ASPRV1: variants seen among roughly 807,000 people sequenced by gnomAD.
ASPRV1 encodes the protein retroviral-like aspartic protease 1.
Under a neutral mutation model 11.0 loss-of-function variants are expected in ASPRV1, and 7 were observed. The observed-to-expected ratio is 0.64, with a 90% CI of 0.36 to 1.20. The LOEUF is 1.20. Among genes scored for constraint, ASPRV1 ranks in the 50% most tolerant of loss-of-function variants. The pLI is 0.02. For synonymous variants in ASPRV1, 136 were observed against 138.4 expected, an observed-to-expected ratio of 0.98 and a Z score of 0.12; for missense variants, 299 against 320.0, an observed-to-expected ratio of 0.93 and a Z score of 0.50.
chr2:70,021,707 T>C, the ASPRV1 span, among the ~76,000 whole-genome samples: 1 of 151,322 alleles, frequency 6.6e-6, no homozygotes, highest in Non-Finnish European at 1.5e-5. Flanking sequence ...GTTAAGAGAA[T>C]ACTTTTTTTT....
At chr2:69,981,851 G>T in the ASPRV1 span, among the ~76,000 whole-genome samples, 2 of 152,188 alleles carry the variant, frequency 1.3e-5, no homozygotes, top group African/African-American at 4.8e-5. Context: ...GAGCCACCAT[G>T]CTCGGCTATT....
chr2:70,004,258 G>A, the ASPRV1 span, among the ~76,000 whole-genome samples: 2 of 152,092 alleles, frequency 1.3e-5, no homozygotes, highest in Non-Finnish European at 2.9e-5. Flanking sequence ...TAAGCCAGGC[G>A]CGGTGGCTCA....
chr2:70,040,652 G>A, the ASPRV1 span, among the ~76,000 whole-genome samples: 1 of 152,132 alleles, frequency 6.6e-6, no homozygotes, highest in Non-Finnish European at 1.5e-5. Flanking sequence ...TGGCCAAGAT[G>A]GTGAAACTTC....
chr2:69,981,057 T>C, the ASPRV1 span, among the ~76,000 whole-genome samples: 1 of 152,256 alleles, frequency 6.6e-6, no homozygotes, highest in Non-Finnish European at 1.5e-5. Context: ...ATTACAGGCG[T>C]GAGCCACTGC....
the ASPRV1 span, chr2:69,938,100 A>G: frequency 6.2e-7 from 1 of 1,613,862 alleles, no homozygotes; most frequent in Non-Finnish European, 8.5e-7. Flanking sequence ...CCTGCAGAAG[A>G]AATCGACGTT....
chr2:70,062,814 CTGAATGAATTA>C, the ASPRV1 span, among the ~76,000 whole-genome samples: 1 of 152,108 alleles, frequency 6.6e-6, no homozygotes, highest in African/African-American at 2.4e-5. Context: ...AAAGAGAAGT[CTGAATGAATTA>C]TGGAATTTGA....
the ASPRV1 span, chr2:69,940,976 GTTGTT>G: frequency 6.6e-6 from 1 of 152,506 alleles, no homozygotes; most frequent in African/African-American, 2.4e-5. Flanking sequence ...AGTCTTTTTA[GTTGTT>G]TTGTCTTTTT....
the ASPRV1 span, among the ~76,000 whole-genome samples, chr2:70,058,948 G>A: frequency 1.6e-4 from 21 of 128,130 alleles, no homozygotes; most frequent in African/African-American, 5.5e-4. Flanking sequence ...ATGCAATGGC[G>A]CCAACCCGGC....
the ASPRV1 span, among the ~76,000 whole-genome samples, chr2:70,076,155 A>G: frequency 6.6e-6 from 1 of 152,200 alleles, no homozygotes; most frequent in African/African-American, 2.4e-5. Context: ...ATCACAATGA[A>G]GGTTAGGTAA....
chr2:69,957,942 T>C (rs1677977910), downstream of ASPRV1, among the ~76,000 whole-genome samples: 1 of 152,162 alleles, frequency 6.6e-6, no homozygotes, highest in African/African-American at 2.4e-5. Context: ...AGCAGAGCCT[T>C]TGCTGCTGCT....
At chr2:69,933,808 T>G in the ASPRV1 span, among the ~76,000 whole-genome samples, 1 of 152,346 alleles carries the variant, frequency 6.6e-6, no homozygotes. Context: ...TTTCAACTTT[T>G]GCTATTACAG....
chr2:70,000,808 A>G, the ASPRV1 span, among the ~76,000 whole-genome samples: 100 of 149,372 alleles, frequency 6.7e-4, no homozygotes, highest in Middle Eastern at 3.4e-3. Flanking sequence ...AAAAAAAAAA[A>G]AAAAAAAAAG....
chr2:70,029,463 A>AC, the ASPRV1 span, among the ~76,000 whole-genome samples: 6 of 151,784 alleles, frequency 4.0e-5, no homozygotes, highest in African/African-American at 1.5e-4. Flanking sequence ...ACATGGTGAA[A>AC]CCCCATCTCT....
chr2:70,038,303 T>C, the ASPRV1 span, among the ~76,000 whole-genome samples: 1 of 152,166 alleles, frequency 6.6e-6, no homozygotes, highest in Non-Finnish European at 1.5e-5. Flanking sequence ...TCCCAACACT[T>C]TGGGAGGCCA....
At chr2:70,082,003 A>T in the ASPRV1 span, among the ~76,000 whole-genome samples, 2 of 151,932 alleles carry the variant, frequency 1.3e-5, no homozygotes, top group East Asian at 3.9e-4. Context: ...TTTGAGACAG[A>T]GTCTCACTCT....
At chr2:70,031,256 A>C in the ASPRV1 span, 24 of 152,158 alleles carry the variant, frequency 1.6e-4, no homozygotes, top group African/African-American at 5.6e-4. Flanking sequence ...ACAATTCAGC[A>C]CTTTATGACA....
chr2:70,001,821 G>T, the ASPRV1 span, among the ~76,000 whole-genome samples: 139 of 152,146 alleles, frequency 9.1e-4, 1 homozygote, highest in Non-Finnish European at 1.2e-3. Flanking sequence ...ATATATAATG[G>T]ACACAATTGT....
At chr2:70,044,976 T>C in the ASPRV1 span, among the ~76,000 whole-genome samples, 3 of 152,256 alleles carry the variant, frequency 2.0e-5, no homozygotes, top group East Asian at 1.9e-4. Flanking sequence ...GTGTGGCCTA[T>C]GCTGTGATGA....
At chr2:70,084,047 G>A in the ASPRV1 span, among the ~76,000 whole-genome samples, 7 of 152,168 alleles carry the variant, frequency 4.6e-5, no homozygotes, top group South Asian at 2.1e-4. Context: ...GTGGGCTACC[G>A]AAGGGAGAAA....
Sources: gnomAD v4.1 joint callset for allele counts (sites outside exome capture counted in the v4.1 genomes callset) on GRCh38, gnomAD v4.1.1 for gene constraint, MANE v1.5 for transcripts, NCBI Gene and HGNC (gene_info 2026-07-23, HGNC 2026-07-21) for gene names.